Variants in SKAP1 observed in about 807,000 individuals in gnomAD.
The protein encoded by SKAP1 is src kinase associated phosphoprotein 1, also known as src kinase-associated phosphoprotein 1.
Under a neutral mutation model 58.5 loss-of-function variants are expected in SKAP1, and 44 were observed. The ratio of observed to expected loss-of-function variants is 0.75; its 90% CI spans 0.59 to 0.97. SKAP1 has a LOEUF of 0.97. SKAP1 is among the 50% of genes least tolerant of loss of function. The pLI, the probability that SKAP1 is intolerant of heterozygous loss-of-function variation, is 0.00. For missense variants in SKAP1, 390 were observed against 435.2 expected (o/e 0.90, Z 0.92); for synonymous variants, 127 against 149.7 (o/e 0.85, Z 1.11).
chr17:48,181,886 C>G (rs1296010608), intron 8 of SKAP1, among the ~76,000 whole-genome samples: 1 of 152,124 alleles, frequency 6.6e-6, no homozygotes, highest in Non-Finnish European at 1.5e-5. Flanking sequence ...AGGACTCTTC[C>G]CATCCCAAAG....
At chr17:48,332,322 C>A (rs2066517751) in intron 4 of SKAP1, among the ~76,000 whole-genome samples, 1 of 151,972 alleles carries the variant, frequency 6.6e-6, no homozygotes, top group African/African-American at 2.4e-5. Flanking sequence ...TTTTTACATG[C>A]TCTCTGGATA....
intron 6 of SKAP1, 86 bp downstream of exon 6, chr17:48,187,757 G>T: frequency 1.1e-6 from 1 of 894,346 alleles, no homozygotes; most frequent in Non-Finnish European, 1.8e-6. Context: ...GTTAAGGACT[G>T]CTATCTTGGG....
chr17:48,214,896 T>C (rs1344391755), intron 4 of SKAP1, among the ~76,000 whole-genome samples: 2 of 135,396 alleles, frequency 1.5e-5, no homozygotes, highest in African/African-American at 5.3e-5. Context: ...CACTCCAGCC[T>C]GGGTGACAGA....
intron 4 of SKAP1, among the ~76,000 whole-genome samples, chr17:48,310,602 G>C (rs894152595): frequency 2.0e-5 from 3 of 152,078 alleles, no homozygotes; most frequent in Non-Finnish European, 2.9e-5. Flanking sequence ...CTAAAATGCT[G>C]GTTGTTTATT....
At chr17:48,189,391 A>C in intron 5 of SKAP1, 32 bp downstream of exon 5, 1 of 1,549,316 alleles carries the variant, frequency 6.5e-7, no homozygotes, top group Non-Finnish European at 8.9e-7. Flanking sequence ...CCCTTCCTGG[A>C]ATGTTCTGAA....
chr17:48,308,527 A>C (rs1341538578), intron 4 of SKAP1: 1 of 152,224 alleles, frequency 6.6e-6, no homozygotes, highest in Admixed American at 6.5e-5. Context: ...AGGAGTGGAA[A>C]TATTACATAT....
chr17:48,227,004 C>T lies in SKAP1; in HGVS notation c.281-37504G>A, dbSNP rs572986821. On this transcript the variant is annotated intron_variant, in intron 4 of 12. Coordinates refer to ENST00000336915, the MANE Select transcript of SKAP1 (RefSeq NM_003726.4). ...GCCTCACCCTTTAGTGTATCTTCCTCTTGGCTTGACCTTAGCTTGGCTCTC... is the reference window on the plus strand; with the variant it reads ...GCCTCACCCTTTAGTGTATCTTCCTTTTGGCTTGACCTTAGCTTGGCTCTC... 2.0e-5 allele frequency among the ~76,000 whole-genome samples: 3 copies of T among 152,264 alleles called. No individual in the cohort carries two copies. In the South Asian group the frequency reaches 6.2e-4, roughly 32 times the overall value.
intron 9 of SKAP1, among the ~76,000 whole-genome samples, chr17:48,173,464 C>T (rs1015685057): frequency 5.9e-5 from 9 of 152,294 alleles, no homozygotes; most frequent in South Asian, 2.1e-4. Flanking sequence ...TCTCGTTACT[C>T]GTCCACTTCC....
At chr17:48,288,040 C>T (rs16954700) in intron 4 of SKAP1, among the ~76,000 whole-genome samples, 26,268 of 152,028 alleles carry the variant, frequency 0.17, 2,320 homozygotes, top group Non-Finnish European at 0.19. Flanking sequence ...TCAAGAGGAA[C>T]TTGGTATATC....
chr17:48,256,003 C>T (rs535417905), intron 4 of SKAP1, among the ~76,000 whole-genome samples: 11 of 152,062 alleles, frequency 7.2e-5, no homozygotes, highest in Admixed American at 2.6e-4. Context: ...GTTTAGCAGC[C>T]GAAAGAGCAA....
intron 7 of SKAP1, among the ~76,000 whole-genome samples, 182 bp from the exon 8 acceptor site, chr17:48,182,639 G>C (rs2064385418): frequency 6.6e-6 from 1 of 152,142 alleles, no homozygotes; most frequent in Admixed American, 6.5e-5. Flanking sequence ...TTTTCCTTCT[G>C]CAATTTTGCA....
chr17:48,287,644 C>G (rs2065847559), intron 4 of SKAP1, among the ~76,000 whole-genome samples: 1 of 152,148 alleles, frequency 6.6e-6, no homozygotes, highest in Non-Finnish European at 1.5e-5. Flanking sequence ...TATTTGCTCT[C>G]TGACTATTAA....
At chr17:48,339,852 A>G (rs2066624316) in intron 4 of SKAP1, among the ~76,000 whole-genome samples, 1 of 152,086 alleles carries the variant, frequency 6.6e-6, no homozygotes, top group African/African-American at 2.4e-5. Flanking sequence ...GGGATCTCAA[A>G]CTGGCTTATG....
Position 48,257,538 on chromosome 17 carries a change from A to G in SKAP1, c.281-68038T>C, listed in dbSNP as rs2924252. On this transcript the variant is annotated intron_variant, in intron 4 of 12. Coordinates refer to ENST00000336915, the MANE Select transcript of SKAP1 (RefSeq NM_003726.4). ...TTGAAGGATGTATTGTGGTACATCC[A>G]TGGACATTCAGAAAATTTGTCGGAA... Among the ~76,000 whole-genome samples, 2,194 of 152,196 alleles carry G rather than the reference A, an allele frequency of 0.014. 265 individuals are homozygous for G. In the East Asian group the frequency reaches 0.31, roughly 21 times the overall value.
At chr17:48,155,132 T>G (rs1415487805) in intron 11 of SKAP1, among the ~76,000 whole-genome samples, 1 of 151,692 alleles carries the variant, frequency 6.6e-6, no homozygotes, top group Non-Finnish European at 1.5e-5. Flanking sequence ...TGATGATGAT[T>G]TTTATTTTTT....
intron 11 of SKAP1, 22 bp from the exon 12 acceptor site, chr17:48,137,359 G>C (rs1598351409): frequency 6.6e-7 from 1 of 1,521,394 alleles, no homozygotes; most frequent in Non-Finnish European, 9.1e-7. Context: ...AAAGAGGATA[G>C]CGTCAGTTAG....
At chr17:48,160,471 G>GT (rs56322708) in intron 11 of SKAP1, among the ~76,000 whole-genome samples, 100,080 of 145,706 alleles carry the variant, frequency 0.69, 35,597 homozygotes, top group South Asian at 0.79. Flanking sequence ...AGGGGAAGAG[G>GT]TTTTTTTTTT....
chr17:48,240,423 TA>T (rs11336889), intron 4 of SKAP1, among the ~76,000 whole-genome samples: 126,359 of 152,020 alleles, frequency 0.83, 52,568 homozygotes, highest in East Asian at 0.95. Flanking sequence ...GATAAAAAAA[TA>T]AAAAAAAGCA....
intron 4 of SKAP1, chr17:48,193,560 G>A: frequency 3.4e-6 from 1 of 290,946 alleles, no homozygotes; most frequent in Non-Finnish European, 5.1e-6. Context: ...TGTTCTCAAT[G>A]TAGTTGGCTC....
Sources: gnomAD v4.1 joint callset for allele counts (sites outside exome capture counted in the v4.1 genomes callset) on GRCh38, gnomAD v4.1.1 for gene constraint, MANE v1.5 for transcripts, NCBI Gene and HGNC (gene_info 2026-07-23, HGNC 2026-07-21) for gene names.